NKAIN2: variants seen among roughly 807,000 people sequenced by gnomAD.
The protein encoded by NKAIN2 is sodium/potassium transporting ATPase interacting 2, also known as sodium/potassium-transporting ATPase subunit beta-1-interacting protein 2.
In NKAIN2, 14 loss-of-function variants were observed where a neutral mutation model predicts 32.6. The ratio of observed to expected loss-of-function variants is 0.43; its 90% CI spans 0.28 to 0.67. NKAIN2 has a LOEUF of 0.67. Among genes scored for constraint, NKAIN2 ranks in the 30% least tolerant of loss-of-function variants. The pLI is 0.17. For missense variants in NKAIN2, 198 were observed against 258.3 expected (o/e 0.77, Z 1.60); for synonymous variants, 80 against 87.2 (o/e 0.92, Z 0.46).
chr6:124,062,920 C>A (rs899522677), intron 1 of NKAIN2, among the ~76,000 whole-genome samples: 1 of 152,064 alleles, frequency 6.6e-6, no homozygotes, highest in Non-Finnish European at 1.5e-5. Flanking sequence ...TCAGGCTGGG[C>A]GCGGTGGCTC....
chr6:124,412,928 G>C (rs1256423311), intron 3 of NKAIN2, among the ~76,000 whole-genome samples: 1 of 152,176 alleles, frequency 6.6e-6, no homozygotes, highest in Non-Finnish European at 1.5e-5. Flanking sequence ...TGAGACTGTT[G>C]TGTTAGCAAT....
chr6:123,984,584 C>G lies in NKAIN2; in HGVS notation c.54+180330C>G, dbSNP rs141819689. Among the ~76,000 whole-genome samples the G allele has an allele frequency of 2.7e-3, 405 of 152,276 alleles. 1 individual carries two copies. The highest frequency in any genetic ancestry group is 9.4e-3 in the African/African-American group (392 of 41,558). ...TGTATGTGTACTTCTGAAACTGCCT[C>G]CTACATATGAAAATTGATCATACCT... On this transcript the variant is annotated intron_variant, in intron 1 of 6. Transcript: ENST00000368417.
chr6:124,804,950 C>T (rs531376850), intron 5 of NKAIN2, among the ~76,000 whole-genome samples: 3 of 152,302 alleles, frequency 2.0e-5, no homozygotes, highest in African/African-American at 4.8e-5. Context: ...GAAGGGCGCC[C>T]GCCATTGCCC....
chr6:124,306,473 G>A (rs992805692), intron 2 of NKAIN2, among the ~76,000 whole-genome samples: 5 of 151,994 alleles, frequency 3.3e-5, no homozygotes, highest in Non-Finnish European at 5.9e-5. Context: ...GAAATTTCTG[G>A]AATTTTAATG....
At chr6:124,451,910 G>A (rs1776123317) in intron 3 of NKAIN2, among the ~76,000 whole-genome samples, 1 of 151,666 alleles carries the variant, frequency 6.6e-6, no homozygotes, top group Non-Finnish European at 1.5e-5. Context: ...TTCAAACCTG[G>A]AGGCTCGACA....
chr6:124,006,131 G>A (rs1031458156), intron 1 of NKAIN2, among the ~76,000 whole-genome samples: 2 of 152,170 alleles, frequency 1.3e-5, no homozygotes, highest in Non-Finnish European at 2.9e-5. Flanking sequence ...GGAAATTGAA[G>A]TTCTCAGGAG....
chr6:123,868,016 A>ATC (rs1391614668), intron 1 of NKAIN2, among the ~76,000 whole-genome samples: 491 of 151,834 alleles, frequency 3.2e-3, no homozygotes, highest in Middle Eastern at 0.024. Flanking sequence ...CTACAGGCGC[A>ATC]CACCACCACA....
chr6:124,471,573 G>C lies in NKAIN2; in HGVS notation c.273+116226G>C, dbSNP rs557888877. 3.9e-5 allele frequency among the ~76,000 whole-genome samples: 6 copies of C among 151,998 alleles called. No individual in the cohort carries two copies. In the South Asian group the frequency reaches 1.2e-3, roughly 32 times the overall value. ...CATCAGCTGCTTTATTAAAATATTT[G>C]GAAAATACATTAAGTACTGTGTCTA... On this transcript the variant is annotated intron_variant, in intron 3 of 6. Coordinates refer to ENST00000368417, the MANE Select transcript of NKAIN2 (RefSeq NM_001040214.3).
At chr6:124,449,537 G>A (rs1482992771) in intron 3 of NKAIN2, among the ~76,000 whole-genome samples, 1 of 152,034 alleles carries the variant, frequency 6.6e-6, no homozygotes, top group Admixed American at 6.6e-5. Flanking sequence ...TCAGGCAAAG[G>A]ATGCATACAA....
At chr6:124,688,335 C>G (rs1774090584) in intron 4 of NKAIN2, among the ~76,000 whole-genome samples, 1 of 151,888 alleles carries the variant, frequency 6.6e-6, no homozygotes, top group African/African-American at 2.4e-5. Context: ...ATTTTTAGAG[C>G]CATTTTAGAT....
chr6:124,323,467 G>A (rs73571154), intron 2 of NKAIN2, among the ~76,000 whole-genome samples: 1,735 of 152,156 alleles, frequency 0.011, 26 homozygotes, highest in African/African-American at 0.038. Context: ...ATTAATTTTT[G>A]CATAAGATAT....
intron 3 of NKAIN2, among the ~76,000 whole-genome samples, chr6:124,502,821 C>T (rs1257516389): frequency 6.6e-6 from 1 of 152,128 alleles, no homozygotes; most frequent in Non-Finnish European, 1.5e-5. Flanking sequence ...TGTGCTTTCA[C>T]AGCAATCTGT....
At chr6:124,132,144 C>T (rs1457635351) in intron 1 of NKAIN2, among the ~76,000 whole-genome samples, 1 of 152,102 alleles carries the variant, frequency 6.6e-6, no homozygotes, top group Non-Finnish European at 1.5e-5. Context: ...TACCAGCTAT[C>T]CCCCACTTCT....
chr6:124,698,352 T>TA (rs1403085617), intron 4 of NKAIN2, among the ~76,000 whole-genome samples: 1 of 152,074 alleles, frequency 6.6e-6, no homozygotes, highest in African/African-American at 2.4e-5. Flanking sequence ...AGTGTTAGCA[T>TA]AAAAAAATGT....
intron 1 of NKAIN2, among the ~76,000 whole-genome samples, chr6:123,998,628 G>C (rs983746639): frequency 6.6e-6 from 1 of 151,838 alleles, no homozygotes; most frequent in Non-Finnish European, 1.5e-5. Flanking sequence ...TGTGAACAGG[G>C]GAGTACTACT....
chr6:124,083,387 T>A (rs1382287678), intron 1 of NKAIN2, among the ~76,000 whole-genome samples: 1 of 151,954 alleles, frequency 6.6e-6, no homozygotes, highest in African/African-American at 2.4e-5. Flanking sequence ...ATTATTGTCA[T>A]CATTACTTTT....
rs534568902 is a variant in NKAIN2 at position 124,006,343 on chromosome 6, A to G, written c.54+202089A>G. The stretch of plus-strand genomic sequence containing the variant: ...GAGATAAAATAGTTGAGTGGCTTCA[A>G]TTTATGTTTTACTGGAAAAAAGCTG... On this transcript the variant is annotated intron_variant, in intron 1 of 6. Coordinates refer to ENST00000368417, the MANE Select transcript of NKAIN2 (RefSeq NM_001040214.3). Among the ~76,000 whole-genome samples, 249 of 152,278 alleles carry G rather than the reference A, an allele frequency of 1.6e-3. 2 individuals are homozygous for G. In the Middle Eastern group the frequency reaches 0.02, roughly 12 times the overall value.
intron 1 of NKAIN2, among the ~76,000 whole-genome samples, chr6:123,879,969 C>T (rs1196957991): frequency 2.6e-5 from 4 of 152,160 alleles, no homozygotes; most frequent in African/African-American, 9.7e-5. Context: ...GGGGGAAGCC[C>T]AGGCTGGGGA....
chr6:124,607,425 G>A (rs1314272421), intron 3 of NKAIN2, among the ~76,000 whole-genome samples: 1 of 152,040 alleles, frequency 6.6e-6, no homozygotes, highest in Non-Finnish European at 1.5e-5. Flanking sequence ...CTACAGCTAG[G>A]TGTCTGCCTT....
Sources: gnomAD v4.1 joint callset for allele counts (sites outside exome capture counted in the v4.1 genomes callset) on GRCh38, gnomAD v4.1.1 for gene constraint, MANE v1.5 for transcripts, NCBI Gene and HGNC (gene_info 2026-07-23, HGNC 2026-07-21) for gene names.